Variants in EGFR observed in about 807,000 individuals in gnomAD.
EGFR encodes the protein epidermal growth factor receptor.
EGFR carries 58 observed loss-of-function variants against 143.0 expected under a neutral mutation model. The ratio of observed to expected loss-of-function variants is 0.41; its 90% confidence interval spans 0.33 to 0.50. The LOEUF is 0.50. Among genes scored for constraint, EGFR ranks in the 20% least tolerant of loss-of-function variants. The pLI is 0.39. For missense variants in EGFR, 1,307 were observed against 1,579.0 expected (o/e 0.83, Z 2.92); for synonymous variants, 613 against 594.4 (o/e 1.03, Z -0.45).
intron 20 of EGFR, among the ~76,000 whole-genome samples, chr7:55,189,177 C>T (rs1404868186): frequency 6.6e-6 from 1 of 151,724 alleles, no homozygotes; most frequent in Non-Finnish European, 1.5e-5. Flanking sequence ...TATATAAAAC[C>T]CCAAGCAGCC....
chr7:55,040,698 T>C (rs2128869112), intron 1 of EGFR, among the ~76,000 whole-genome samples: 1 of 152,336 alleles, frequency 6.6e-6, no homozygotes, highest in African/African-American at 2.4e-5. Flanking sequence ...AACATGCCTT[T>C]TTCCCAGAAA....
At chr7:55,183,984 T>C (rs111750306) in intron 20 of EGFR, among the ~76,000 whole-genome samples, 194 of 152,364 alleles carry the variant, frequency 1.3e-3, no homozygotes, top group African/African-American at 4.5e-3. Context: ...ACCGTTTTCC[T>C]TAAGGGGCAC....
chr7:55,113,609 A>G (rs759618627), intron 1 of EGFR, among the ~76,000 whole-genome samples: 1 of 152,230 alleles, frequency 6.6e-6, no homozygotes, highest in Non-Finnish European at 1.5e-5. Context: ...AAGGAAAAAA[A>G]TCATTGACAA....
chr7:55,022,409 C>T (rs921462708), intron 1 of EGFR, among the ~76,000 whole-genome samples: 2 of 152,092 alleles, frequency 1.3e-5, no homozygotes, highest in Non-Finnish European at 2.9e-5. Flanking sequence ...GAGATCTACC[C>T]CACCCTCCCT....
chr7:55,168,296 G>T lies in EGFR; in HGVS notation c.1880+2859G>T, dbSNP rs189649077. Among the ~76,000 whole-genome samples the T allele has an allele frequency of 1.3e-3, 197 of 152,270 alleles. 1 individual carries two copies. The highest frequency in any genetic ancestry group is 3.0e-3 in the Admixed American group (46 of 15,298). ...CCCTTTTCTTTCTTCTGGAATAGAT[G>T]TGCATCAGTATCTCTGCATCAATAT... On this transcript the variant is annotated intron_variant, in intron 15 of 27. Transcript: ENST00000275493.
At chr7:55,045,288 C>T (rs1788125244) in intron 1 of EGFR, among the ~76,000 whole-genome samples, 1 of 152,080 alleles carries the variant, frequency 6.6e-6, no homozygotes, top group African/African-American at 2.4e-5. Flanking sequence ...TGCAGTTGCT[C>T]CTCTCTGTAT....
In EGFR at chr7:55,155,965, T is replaced by C. The variant is rs761947952; in HGVS notation, c.1006+19T>C. On this transcript the variant is annotated intron_variant, in intron 8 of 27. Coordinates refer to ENST00000275493, the MANE Select transcript of EGFR (RefSeq NM_005228.5). Reference sequence around the variant, plus strand: ...CGCAAAGGTAGGAAGCCCGCCGGTGTGCGGACGAGGCTTGTTCTCGGCTGC... The same window carrying C: ...CGCAAAGGTAGGAAGCCCGCCGGTGCGCGGACGAGGCTTGTTCTCGGCTGC... The C allele has an allele frequency of 6.3e-7, 1 of 1,590,910 alleles. No homozygotes were observed. Among genetic ancestry groups the C allele is most frequent in the East Asian group, 2.2e-5 (1 of 44,498 alleles).
At position 55,154,079 on chromosome 7, in the gene EGFR, C is replaced by A; in HGVS notation, c.816C>A (p.Pro272=). ...DTCPPLMLYN[P]TTYQMDVNPE... ...GCCCCCCACTCATGCTCTACAACCCCACCACGTACCAGATGGATGTGAACC... is the reference window on the plus strand; with the variant it reads ...GCCCCCCACTCATGCTCTACAACCCAACCACGTACCAGATGGATGTGAACC... Residue 272 remains proline, a synonymous_variant, in exon 7 of 28, where the codon CCC becomes CCA. Transcript: ENST00000275493. 6.2e-7 allele frequency: 1 copy of A among 1,614,228 alleles called. No individual in the cohort carries two copies. The highest frequency in any genetic ancestry group is 2.2e-5 in the East Asian group (1 of 44,874).
At chr7:55,181,091 C>G (rs1786842616) in intron 19 of EGFR, 2 of 655,318 alleles carry the variant, frequency 3.1e-6, no homozygotes, top group African/African-American at 1.8e-5. Flanking sequence ...CCAGGAGGGG[C>G]CCTCTCCCAC....
intron 1 of EGFR, among the ~76,000 whole-genome samples, chr7:55,064,025 A>AT: frequency 6.6e-6 from 1 of 152,076 alleles, no homozygotes; most frequent in South Asian, 2.1e-4. Flanking sequence ...AACATAATAG[A>AT]TTTTTTTTAA....
chr7:55,188,933 A>T (rs1787263005), intron 20 of EGFR: 1 of 152,190 alleles, frequency 6.6e-6, no homozygotes, highest in African/African-American at 2.4e-5. Context: ...GAGGAAACAG[A>T]CACTGTGTAG....
intron 1 of EGFR, among the ~76,000 whole-genome samples, chr7:55,064,840 C>T (rs74367558): frequency 0.015 from 2,359 of 152,298 alleles, 64 homozygotes; most frequent in African/African-American, 0.054. Flanking sequence ...TAAGTAGACA[C>T]AAACCTACTG....
At chr7:55,074,834 C>T (rs994355966) in intron 1 of EGFR, among the ~76,000 whole-genome samples, 4 of 152,300 alleles carry the variant, frequency 2.6e-5, no homozygotes, top group Admixed American at 6.5e-5. Flanking sequence ...TTACCAAGCA[C>T]GGTGTTCTCT....
At chr7:55,071,839 T>A (rs150552229) in intron 1 of EGFR, among the ~76,000 whole-genome samples, 2 of 152,240 alleles carry the variant, frequency 1.3e-5, no homozygotes, top group African/African-American at 4.8e-5. Flanking sequence ...TTAGGGCATA[T>A]ACAAAGATGT....
At chr7:55,046,029 A>T (rs1430072001) in intron 1 of EGFR, among the ~76,000 whole-genome samples, 4 of 152,178 alleles carry the variant, frequency 2.6e-5, no homozygotes, top group Non-Finnish European at 4.4e-5. Flanking sequence ...CAGGAGATTA[A>T]TTTCTTCTGT....
rs1785925948 is a variant in EGFR, at chr7:55,165,443, T to G, written c.1880+6T>G. 2 of 1,606,940 alleles carry G rather than the reference T, an allele frequency of 1.2e-6. No homozygotes were observed. The highest frequency in any genetic ancestry group is 1.1e-5 in the South Asian group (1 of 90,446). On this transcript the variant is annotated splice_donor_region_variant and intron_variant, in intron 15 of 27. Transcript: ENST00000275493. ...CATCCAAACTGCACCTACGGGTGAG[T>G]GGAAAGTGAAGGAGAACAGAACATT...
rs911813972 is a variant in EGFR at position 55,146,460 on chromosome 7, C to T, written c.425-146C>T. 39 of 1,289,520 alleles carry T rather than the reference C, an allele frequency of 3.0e-5. 1 individual carries two copies. Among genetic ancestry groups the T allele is most frequent in the East Asian group, 1.5e-4 (6 of 39,958 alleles). 79.9% of individuals were successfully genotyped at this position (1,289,520 alleles called of 1,614,324 possible). A position where few individuals can be genotyped will look rare whatever the true frequency, so the allele number is the denominator to read the frequency against. ...TTAACAATTTTATCTGGCCGCCCCC[C>T]GGGAAGTTCACTGGGCTAATTGCGG... On this transcript the variant is annotated intron_variant, in intron 3 of 27. Transcript: ENST00000275493.
intron 27 of EGFR, chr7:55,202,961 G>A: frequency 1.8e-6 from 1 of 569,500 alleles, no homozygotes; most frequent in Non-Finnish European, 3.1e-6. Context: ...GTGTATGTGT[G>A]TGTTTGTGAC....
chr7:55,063,049 G>T (rs1789283123), intron 1 of EGFR, among the ~76,000 whole-genome samples: 1 of 152,182 alleles, frequency 6.6e-6, no homozygotes, highest in Non-Finnish European at 1.5e-5. Context: ...CCAAAGGCAA[G>T]CTCAGGGTTG....
Sources: gnomAD v4.1 joint callset for allele counts (sites outside exome capture counted in the v4.1 genomes callset) on GRCh38, gnomAD v4.1.1 for gene constraint, MANE v1.5 for transcripts, NCBI Gene and HGNC (gene_info 2026-07-23, HGNC 2026-07-21) for gene names.